Variants in ITSN1 observed in about 807,000 individuals in gnomAD.
ITSN1 encodes the protein intersectin-1.
ITSN1 carries 58 observed loss-of-function variants against 239.8 expected under a neutral mutation model. The observed-to-expected ratio is 0.24, with a 90% CI of 0.20 to 0.30. The LOEUF is 0.30. Among genes scored for constraint, ITSN1 ranks in the 10% least tolerant of loss-of-function variants. ITSN1 has a pLI of 1.00. For synonymous variants in ITSN1, 780 were observed against 770.8 expected (o/e 1.01, Z -0.20); for missense variants, 1,558 against 2,103.3 (o/e 0.74, Z 5.07).
At chr21:33,817,568 C>A (rs750715440) in intron 22 of ITSN1, 2 of 1,302,326 alleles carry the variant, frequency 1.5e-6, no homozygotes, top group East Asian at 1.1e-4. Context: ...CTCTGTCTTC[C>A]CCATTACTTG....
chr21:33,838,210 G>A (rs1342372374), intron 29 of ITSN1: 1 of 985,146 alleles, frequency 1.0e-6, no homozygotes, highest in Non-Finnish European at 1.2e-6. Flanking sequence ...TGGGGCAGGG[G>A]GAGCCTCAAG....
intron 16 of ITSN1, among the ~76,000 whole-genome samples, chr21:33,788,979 A>G (rs1036822346): frequency 1.3e-5 from 2 of 152,220 alleles, no homozygotes; most frequent in African/African-American, 4.8e-5. Flanking sequence ...GAATAAATTT[A>G]TAATTTTATG....
intron 1 of ITSN1, among the ~76,000 whole-genome samples, chr21:33,664,328 G>C (rs1324829017): frequency 6.6e-6 from 1 of 152,150 alleles, no homozygotes; most frequent in Non-Finnish European, 1.5e-5. Context: ...GCTGTGCTAA[G>C]GGGAGCTAGA....
chr21:33,811,528 T>A (rs965036768), intron 21 of ITSN1, among the ~76,000 whole-genome samples: 2 of 152,250 alleles, frequency 1.3e-5, no homozygotes, highest in Non-Finnish European at 2.9e-5. Flanking sequence ...TTCCTAATAA[T>A]CTATTTTGAC....
At chr21:33,681,025 G>A (rs796514538) in intron 1 of ITSN1, among the ~76,000 whole-genome samples, 11 of 152,286 alleles carry the variant, frequency 7.2e-5, no homozygotes, top group African/African-American at 2.6e-4. Context: ...TCATGCCATG[G>A]TAGAACCTCA....
In ITSN1 at chr21:33,761,992, G is replaced by A; in HGVS notation, c.788+6G>A. 6.2e-7 allele frequency: 1 copy of A among 1,606,652 alleles called. No individual in the cohort carries two copies. On this transcript the variant is annotated splice_donor_region_variant and intron_variant, in intron 9 of 39. Coordinates refer to ENST00000381318, the MANE Select transcript of ITSN1 (RefSeq NM_003024.3). ...GCTCAGCTGGCTTCAATATGGTAAG[G>A]AATGAAAAGTTCTTTGGTTTGGATA...
intron 1 of ITSN1, among the ~76,000 whole-genome samples, chr21:33,693,031 A>G (rs1164469755): frequency 6.6e-6 from 1 of 152,112 alleles, no homozygotes; most frequent in Non-Finnish European, 1.5e-5. Flanking sequence ...TCCTGACCTC[A>G]TGTGATCCGC....
intron 1 of ITSN1, among the ~76,000 whole-genome samples, chr21:33,689,967 C>CA (rs577023412): frequency 0.015 from 1,598 of 104,070 alleles, 30 homozygotes; most frequent in African/African-American, 0.049. Flanking sequence ...GACTCTGTCT[C>CA]AAAAAAAAAA....
At chr21:33,848,367 A>G (rs949481693) in intron 29 of ITSN1, among the ~76,000 whole-genome samples, 6 of 152,184 alleles carry the variant, frequency 3.9e-5, no homozygotes, top group Admixed American at 2.6e-4. Flanking sequence ...CTCAGGAGGA[A>G]CCAGCCCTGT....
intron 2 of ITSN1, among the ~76,000 whole-genome samples, chr21:33,719,607 A>G (rs1366863630): frequency 2.0e-5 from 3 of 152,184 alleles, no homozygotes; most frequent in Non-Finnish European, 2.9e-5. Flanking sequence ...AAACATTGCA[A>G]TTAGGTCATG....
chr21:33,809,651 C>G (rs145077818), intron 20 of ITSN1, among the ~76,000 whole-genome samples: 2 of 152,056 alleles, frequency 1.3e-5, no homozygotes, highest in Non-Finnish European at 2.9e-5. Flanking sequence ...TAAGACCCTG[C>G]CTACTCATGT....
intron 1 of ITSN1, among the ~76,000 whole-genome samples, chr21:33,645,931 TACC>T (rs1308020968): frequency 6.6e-6 from 1 of 152,242 alleles, no homozygotes. Context: ...TGCGTAATTT[TACC>T]TGTCGTACAC....
chr21:33,871,880 C>T lies in ITSN1; in HGVS notation c.4174-3474C>T, dbSNP rs143173470. ...TCTTGCTACTTAACCACTGTGTGCT[C>T]TTGGGCAAGTTGGGCCTCAGTTTCT... On this transcript the variant is annotated intron_variant, in intron 33 of 39. Transcript: ENST00000381318. 2.8e-4 allele frequency among the ~76,000 whole-genome samples: 42 copies of T among 152,266 alleles called. No individual in the cohort carries two copies. In the East Asian group the frequency reaches 7.1e-3, roughly 26 times the overall value.
At chr21:33,642,765 G>C (rs2087504329) in intron 1 of ITSN1, 52 bp downstream of exon 1, 1 of 153,094 alleles carries the variant, frequency 6.5e-6, no homozygotes, top group Non-Finnish European at 1.5e-5. Context: ...GCTGCAGCGG[G>C]GGCGGGGGTC....
rs17647506 is a variant in ITSN1, at chr21:33,780,393, A to G, written c.1597-1068A>G. Among the ~76,000 whole-genome samples the G allele has an allele frequency of 6.1e-3, 926 of 152,352 alleles. 4 individuals carry two copies. The highest frequency in any genetic ancestry group is 8.5e-3 in the Non-Finnish European group (580 of 68,024). On this transcript the variant is annotated intron_variant, in intron 14 of 39. Coordinates refer to ENST00000381318, the MANE Select transcript of ITSN1 (RefSeq NM_003024.3). ...AATCAGATATTGGTTCCCTTTCTGT[A>G]CAGGGATTAGCAGATACTTGCTTTG...
chr21:33,751,353 A>G (rs867913383), intron 6 of ITSN1, among the ~76,000 whole-genome samples: 1 of 152,224 alleles, frequency 6.6e-6, no homozygotes, highest in Non-Finnish European at 1.5e-5. Context: ...AACCAACCCC[A>G]GTGATAATCA....
At chr21:33,650,306 C>T (rs2088394761) in intron 1 of ITSN1, among the ~76,000 whole-genome samples, 1 of 152,086 alleles carries the variant, frequency 6.6e-6, no homozygotes. Flanking sequence ...AGGCTTTAAC[C>T]AACCTAGTTA....
At position 33,761,904 on chromosome 21, in the gene ITSN1, T is replaced by C. The variant is rs745799950; in HGVS notation, c.725-19T>C. On this transcript the variant is annotated intron_variant, in intron 8 of 39. Transcript: ENST00000381318. ...ATTTGCTGACTCATCTGTATGTCCT[T>C]TTCCTGGTTCCTGTTTAGGTCCCCA... The C allele has an allele frequency of 5.0e-6, 8 of 1,605,114 alleles. No homozygotes were observed. The South Asian group carries it at 7.7e-5, about 15-fold the overall frequency.
intron 25 of ITSN1, 125 bp downstream of exon 25, chr21:33,823,778 G>T: frequency 2.3e-6 from 2 of 852,622 alleles, no homozygotes; most frequent in South Asian, 3.5e-5. Context: ...AGTAAATCCA[G>T]TGTGACCTGT....
Sources: gnomAD v4.1 joint callset for allele counts (sites outside exome capture counted in the v4.1 genomes callset) on GRCh38, gnomAD v4.1.1 for gene constraint, MANE v1.5 for transcripts, NCBI Gene and HGNC (gene_info 2026-07-23, HGNC 2026-07-21) for gene names.